FUT8: variants seen among roughly 807,000 people sequenced by gnomAD.
The protein encoded by FUT8 is fucosyltransferase 8, also known as alpha-(1,6)-fucosyltransferase.
In FUT8, 29 loss-of-function variants were observed where a neutral mutation model predicts 71.3. The ratio of observed to expected loss-of-function variants is 0.41; its 90% CI spans 0.30 to 0.55. The LOEUF is 0.55. Ranked by LOEUF, FUT8 falls within the 20% of genes least tolerant of loss-of-function variation. The pLI is 0.34. For missense variants in FUT8, 544 were observed against 702.1 expected, an observed-to-expected ratio of 0.77 and a Z score of 2.55; for synonymous variants, 254 against 239.3, an observed-to-expected ratio of 1.06 and a Z score of -0.57.
intron 7 of FUT8, among the ~76,000 whole-genome samples, chr14:65,713,112 A>G (rs552153577): frequency 5.7e-4 from 87 of 152,176 alleles, no homozygotes; most frequent in Non-Finnish European, 8.1e-4. Context: ...CAAGATTTCA[A>G]TTGTGTTAAT....
At chr14:65,553,472 C>A (rs1368761208) in intron 2 of FUT8, among the ~76,000 whole-genome samples, 1 of 152,018 alleles carries the variant, frequency 6.6e-6, no homozygotes, top group Non-Finnish European at 1.5e-5. Flanking sequence ...GAAAATAGCT[C>A]TGATTTTTTA....
intron 1 of FUT8, among the ~76,000 whole-genome samples, chr14:65,452,105 A>G (rs1208060346): frequency 6.6e-6 from 1 of 152,174 alleles, no homozygotes; most frequent in Non-Finnish European, 1.5e-5. Context: ...TTTTGTTTTC[A>G]TATGAGTTCC....
intron 2 of FUT8, among the ~76,000 whole-genome samples, chr14:65,456,525 T>C (rs1959147): frequency 0.063 from 9,579 of 152,146 alleles, 552 homozygotes; most frequent in South Asian, 0.2. Flanking sequence ...GTTTTTAGTT[T>C]TTGATGATCA....
At chr14:65,731,373 A>T (rs1895970157) in intron 9 of FUT8, among the ~76,000 whole-genome samples, 1 of 152,218 alleles carries the variant, frequency 6.6e-6, no homozygotes, top group Admixed American at 6.5e-5. Context: ...GATGATATAA[A>T]AATAAATTTT....
intron 1 of FUT8, among the ~76,000 whole-genome samples, chr14:65,449,186 A>T (rs2139526160): frequency 6.6e-6 from 1 of 152,328 alleles, no homozygotes; most frequent in South Asian, 2.1e-4. Flanking sequence ...AACTTCACCA[A>T]AGGAAGGGGA....
intron 3 of FUT8, among the ~76,000 whole-genome samples, chr14:65,563,255 A>C (rs1347902515): frequency 6.6e-6 from 1 of 152,072 alleles, no homozygotes; most frequent in Non-Finnish European, 1.5e-5. Flanking sequence ...TTTAGGGGTT[A>C]GTAATAATAG....
intron 6 of FUT8, among the ~76,000 whole-genome samples, chr14:65,656,951 T>C (rs539557225): frequency 6.6e-6 from 1 of 152,300 alleles, no homozygotes; most frequent in Admixed American, 6.5e-5. Context: ...GATATCCATA[T>C]GCTCAGGAAT....
chr14:65,565,220 C>T (rs1168835522), intron 3 of FUT8, among the ~76,000 whole-genome samples: 1 of 151,962 alleles, frequency 6.6e-6, no homozygotes. Flanking sequence ...AGAACTCAGT[C>T]ATCTCTGAAG....
intron 7 of FUT8, among the ~76,000 whole-genome samples, chr14:65,680,966 T>TGGGAAAG (rs1893008011): frequency 6.6e-6 from 1 of 152,216 alleles, no homozygotes; most frequent in African/African-American, 2.4e-5. Flanking sequence ...TTTTGTGTAC[T>TGGGAAAG]TTTACTGATA....
intron 3 of FUT8, among the ~76,000 whole-genome samples, chr14:65,587,202 A>C (rs928997785): frequency 6.6e-6 from 1 of 151,788 alleles, no homozygotes; most frequent in Non-Finnish European, 1.5e-5. Flanking sequence ...AAAAAAAAAA[A>C]CAAAAAAAAC....
rs143827716 is a variant in FUT8 at position 65,624,966 on chromosome 14, T to G, written c.483-4526T>G. On this transcript the variant is annotated intron_variant, in intron 5 of 10. Coordinates refer to ENST00000673929, the MANE Select transcript of FUT8 (RefSeq NM_001371533.1). ...CTGTAATCCCAGCTATTTGGGAGGC[T>G]GAGGCAGGAGAATCACTTGAACCTG... Among the ~76,000 whole-genome samples, 534 of 152,228 alleles carry G rather than the reference T, an allele frequency of 3.5e-3. 2 individuals are homozygous for G. The highest frequency in any genetic ancestry group is 5.9e-3 in the Non-Finnish European group (404 of 68,010).
intron 7 of FUT8, among the ~76,000 whole-genome samples, chr14:65,695,811 C>CTTT (rs1392322994): frequency 6.6e-6 from 1 of 151,700 alleles, no homozygotes. Context: ...TTTTTGTGTC[C>CTTT]TTTTTTATCT....
intron 7 of FUT8, 29 bp from the exon 8 acceptor site, chr14:65,721,746 G>A: frequency 6.2e-7 from 1 of 1,611,714 alleles, no homozygotes; most frequent in South Asian, 1.1e-5. Context: ...ATACCATGTG[G>A]TAATGATTAT....
chr14:65,523,787 C>T (rs563054579), intron 2 of FUT8, among the ~76,000 whole-genome samples: 2 of 152,302 alleles, frequency 1.3e-5, no homozygotes, highest in East Asian at 3.9e-4. Context: ...CAGCTTTCTC[C>T]ATATGGCTAG....
chr14:65,577,778 C>A (rs1375139423), intron 3 of FUT8, among the ~76,000 whole-genome samples: 1 of 152,018 alleles, frequency 6.6e-6, no homozygotes, highest in Non-Finnish European at 1.5e-5. Flanking sequence ...TGATCACATT[C>A]AATAAATGTA....
chr14:65,590,562 G>C (rs1004980943), intron 3 of FUT8, among the ~76,000 whole-genome samples: 1 of 152,112 alleles, frequency 6.6e-6, no homozygotes, highest in African/African-American at 2.4e-5. Flanking sequence ...ATGGGAGCCT[G>C]GTAGAACCCA....
chr14:65,575,036 A>G (rs911345041), intron 3 of FUT8, among the ~76,000 whole-genome samples: 1 of 151,990 alleles, frequency 6.6e-6, no homozygotes, highest in Non-Finnish European at 1.5e-5. Flanking sequence ...TAATTCGTAT[A>G]AAGCGAATTC....
the FUT8 span, among the ~76,000 whole-genome samples, chr14:65,381,151 A>T: frequency 6.6e-6 from 1 of 152,224 alleles, no homozygotes; most frequent in African/African-American, 2.4e-5. Flanking sequence ...GTTAACTTGG[A>T]CCATTTAACA....
chr14:65,396,108 C>G, the FUT8 span, among the ~76,000 whole-genome samples: 4 of 152,176 alleles, frequency 2.6e-5, no homozygotes, highest in African/African-American at 2.4e-5. This position sits in a 1 kb window ranked among gnomAD's most constrained non-coding sequence, Gnocchi z 5.5. Context: ...TTTCATTATC[C>G]ACATCACTAT....
Sources: allele counts gnomAD v4.1 joint callset (sites outside exome capture counted in the v4.1 genomes callset), GRCh38; gene constraint gnomAD v4.1.1; non-coding constraint Gnocchi (gnomAD v3.1); transcripts MANE v1.5; gene names NCBI Gene and HGNC (gene_info 2026-07-23, HGNC 2026-07-21).